The following ACR variants were observed in gnomAD, a reference collection of about 807,000 sequenced individuals.
The protein encoded by ACR is acrosin light and heavy chain prepropeptide.
ACR carries 17 observed loss-of-function variants against 26.0 expected under a neutral mutation model. The ratio of observed to expected loss-of-function variants is 0.65; its 90% CI spans 0.45 to 0.98. ACR has a LOEUF of 0.98. Among genes scored for constraint, ACR ranks in the 50% least tolerant of loss-of-function variants. ACR has a pLI of 0.00. For missense variants in ACR, 435 were observed against 519.3 expected (o/e 0.84, Z 1.58); for synonymous variants, 199 against 207.7 (o/e 0.96, Z 0.36).
At chr22:50,743,061 AGTCTCGCTCTGTGGCCCG>A (rs1461578370) in intron 3 of ACR, among the ~76,000 whole-genome samples, 7 of 151,922 alleles carry the variant, frequency 4.6e-5, no homozygotes, top group African/African-American at 1.7e-4. Flanking sequence ...TTTGAGACGG[AGTCTCGCTCTGTGGCCCG>A]GGCTGGAGTG....
At chr22:50,738,985 C>T (rs2083411362) in intron 1 of ACR, among the ~76,000 whole-genome samples, 1 of 152,220 alleles carries the variant, frequency 6.6e-6, no homozygotes, top group African/African-American at 2.4e-5. Flanking sequence ...CTGTTCTGCC[C>T]AGGGACGGGC....
intron 4 of ACR, 26 bp from the exon 5 acceptor site, chr22:50,744,627 A>G (rs778958003): frequency 2.5e-6 from 4 of 1,600,980 alleles, no homozygotes; most frequent in Non-Finnish European, 3.4e-6. Context: ...TCAGGCAGAT[A>G]GTGACCTCTG....
At chr22:50,741,476 A>G (rs2083424463) in intron 3 of ACR, among the ~76,000 whole-genome samples, 1 of 151,578 alleles carries the variant, frequency 6.6e-6, no homozygotes. Flanking sequence ...GGCTGATCTT[A>G]GGGTCCCCAC....
At position 50,739,848 on chromosome 22, in the gene ACR, G is replaced by C; in HGVS notation, c.436G>C (p.Val146Leu). 6.2e-7 allele frequency: 1 copy of C among 1,612,094 alleles called. No individual in the cohort carries two copies. Among genetic ancestry groups the C allele is most frequent in the Non-Finnish European group, 8.5e-7 (1 of 1,178,870 alleles). Residue 146 changes from valine to leucine, a missense_variant, in exon 3 of 5, where the codon GTG (valine) becomes CTG (leucine). Physicochemically the swap from Val to Leu is conservative, Grantham distance 32. Around this residue, in one of 3 missense-constraint regions of ACR, gnomAD observed 314 missense variants for 372.0 expected, o/e 0.84. Coordinates refer to ENST00000216139, the MANE Select transcript of ACR (RefSeq NM_001097.3). This position sits in a 1 kb window ranked among gnomAD's most constrained non-coding sequence, Gnocchi z 5.5. ...GACAGAGGGAAATGACATTGCCCTC[G>C]TGGAGATCACCCCTCCCATTTCGTG... is the stretch of plus-strand genomic sequence containing the variant. ...SATEGNDIALVEITPPISCGR... is the reference protein window; with the variant it reads ...SATEGNDIALLEITPPISCGR...
At chr22:50,741,021 T>C (rs576842109) in intron 3 of ACR, among the ~76,000 whole-genome samples, 4 of 152,242 alleles carry the variant, frequency 2.6e-5, no homozygotes, top group Non-Finnish European at 5.9e-5. Flanking sequence ...GATCTCTGCA[T>C]GTGACCTATA....
At position 50,744,432 on chromosome 22, in the gene ACR, G is replaced by A. The variant is rs529634516; in HGVS notation, c.712-221G>A. On this transcript the variant is annotated intron_variant, in intron 4 of 4. Transcript: ENST00000216139. ...TGCCATGTGCCCCTGTGGACACGTG[G>A]GTTTGCTCATCTCACTGCAAGGAAA... The A allele has an allele frequency of 1.8e-4, 122 of 685,032 alleles. No homozygotes were observed. The African/African-American group carries it at 2.0e-3, about 11-fold the overall frequency. 42.4% of individuals were successfully genotyped at this position (685,032 alleles called of 1,614,324 possible).
In ACR at chr22:50,739,200, C is replaced by A; in HGVS notation, c.78-71C>A. 7.2e-7 allele frequency: 1 copy of A among 1,389,858 alleles called. No individual in the cohort carries two copies. The allele number at this position is 1,389,858 out of a possible 1,614,324, so 86.1% of individuals were successfully genotyped here. On this transcript the variant is annotated intron_variant, in intron 1 of 4. Coordinates refer to ENST00000216139, the MANE Select transcript of ACR (RefSeq NM_001097.3). This position sits in a 1 kb window ranked among gnomAD's most constrained non-coding sequence, Gnocchi z 5.5. ...TTCCCAACCCCATGTCCCTGCCTCC[C>A]CTCAGTTGTGGAGTTACAAGGACAG...
intron 3 of ACR, 142 bp downstream of exon 3, chr22:50,740,119 C>T (rs766540744): frequency 1.9e-6 from 2 of 1,070,568 alleles, no homozygotes; most frequent in Non-Finnish European, 2.8e-6. Context: ...TCACTGTGGC[C>T]TTCCACAGTC....
At chr22:50,743,199 C>A (rs1291770069) in intron 3 of ACR, among the ~76,000 whole-genome samples, 1 of 150,868 alleles carries the variant, frequency 6.6e-6, no homozygotes, top group Non-Finnish European at 1.5e-5. Context: ...CCATGCCTGG[C>A]TAATTTTTTG....
intron 1 of ACR, among the ~76,000 whole-genome samples, chr22:50,738,829 C>T (rs73174437): frequency 0.021 from 3,245 of 152,114 alleles, 39 homozygotes; most frequent in Non-Finnish European, 0.033. Context: ...CAGTATCTGC[C>T]CCTGGCTGCT....
chr22:50,738,960 C>G (rs2083411246), intron 1 of ACR, among the ~76,000 whole-genome samples: 1 of 152,148 alleles, frequency 6.6e-6, no homozygotes, highest in African/African-American at 2.4e-5. Context: ...GCCCCGCATC[C>G]CCACCTCTAC....
At position 50,739,382 on chromosome 22, in the gene ACR, C is replaced by T. The variant is rs1361108473; in HGVS notation, c.189C>T (p.Phe63=). The T allele has an allele frequency of 6.2e-7, 1 of 1,613,880 alleles. No individual in the cohort carries two copies. Among genetic ancestry groups the T allele is most frequent in the Non-Finnish European group, 8.5e-7 (1 of 1,179,948 alleles). Residue 63 remains phenylalanine (F), a synonymous_variant, in exon 2 of 5, where the codon TTC becomes TTT. Transcript: ENST00000216139. This position sits in a 1 kb window ranked among gnomAD's most constrained non-coding sequence, Gnocchi z 5.5. ...CCTGGATGGTCAGCCTCCAGATCTT[C>T]ACGTACAACAGCCACAGGTACCACA... ...AWPWMVSLQI[F]TYNSHRYHTC...
At chr22:50,741,298 G>A (rs989434488) in intron 3 of ACR, among the ~76,000 whole-genome samples, 6 of 152,008 alleles carry the variant, frequency 3.9e-5, no homozygotes, top group Admixed American at 1.3e-4. Context: ...GTTCTCACTG[G>A]CCTCACTTGA....
chr22:50,738,382 C>A (rs763696307), intron 1 of ACR, 70 bp downstream of exon 1: 8 of 1,489,000 alleles, frequency 5.4e-6, no homozygotes, highest in Non-Finnish European at 7.4e-6. Context: ...CTCCCTCTGT[C>A]CAGGGCTAGG....
At position 50,739,997 on chromosome 22, in the gene ACR, C is replaced by T. The variant is rs745401505; in HGVS notation, c.565+20C>T. On this transcript the variant is annotated intron_variant, in intron 3 of 4. Coordinates refer to ENST00000216139, the MANE Select transcript of ACR (RefSeq NM_001097.3). The surrounding 1 kb of genome is among the most constrained non-coding windows in gnomAD (Gnocchi z 5.5). ...AGAAAGGTGAGTATGGGAGCGCCTC[C>T]AAGGGGGGACGCTGCTGGCCATTCT... 6.2e-7 allele frequency: 1 copy of T among 1,612,542 alleles called. No individual in the cohort carries two copies. The highest frequency in any genetic ancestry group is 1.7e-5 in the Admixed American group (1 of 60,016).
Position 50,744,981 on chromosome 22 carries a change from C to G in ACR, c.1040C>G (p.Pro347Arg), listed in dbSNP as rs2083443678. 9.8e-7 allele frequency: 1 copy of G among 1,022,470 alleles called. No homozygotes were observed. The highest frequency in any genetic ancestry group is 1.4e-6 in the Non-Finnish European group (1 of 726,338). 63.3% of individuals were successfully genotyped at this position (1,022,470 alleles called of 1,614,324 possible). The change falls in exon 5 of 5, where the codon CCA becomes CGA. Residue 347 changes from proline (P) to arginine (R), a missense_variant. Pro to Arg is a moderately radical substitution (Grantham distance 103). Coordinates refer to ENST00000216139, the MANE Select transcript of ACR (RefSeq NM_001097.3). ...PRPPAAQPRP[P>R]PSPPPPPPPP... ...CCACCGGCAGCCCAGCCCCGACCCC[C>G]ACCTTCACCCCCGCCCCCACCCCCA... is the stretch of plus-strand genomic sequence containing the variant.
At chr22:50,741,723 G>A (rs998940223) in intron 3 of ACR, among the ~76,000 whole-genome samples, 1 of 151,126 alleles carries the variant, frequency 6.6e-6, no homozygotes, top group African/African-American at 2.4e-5. Context: ...AACCTTCCAT[G>A]TCTTACCACC....
chr22:50,740,443 G>A, intron 3 of ACR: 3 of 614,210 alleles, frequency 4.9e-6, no homozygotes, highest in Non-Finnish European at 8.7e-6. Flanking sequence ...TGTGATTCCA[G>A]GGCCCAGCCT....
chr22:50,738,420 A>AC (rs951600796), intron 1 of ACR, 108 bp downstream of exon 1: 181 of 1,050,654 alleles, frequency 1.7e-4, no homozygotes, highest in Admixed American at 4.5e-4. Context: ...CCTAACCTGG[A>AC]CCCCCCCTGC....
Sources: allele counts gnomAD v4.1 joint callset (sites outside exome capture counted in the v4.1 genomes callset), GRCh38; gene constraint gnomAD v4.1.1; regional missense constraint gnomAD v4.1.1; non-coding constraint Gnocchi (gnomAD v3.1); transcripts MANE v1.5; gene names NCBI Gene and HGNC (gene_info 2026-07-23, HGNC 2026-07-21).